SOX5: variants seen among roughly 807,000 people sequenced by gnomAD.
SOX5 encodes transcription factor SOX-5.
In SOX5, 9 loss-of-function variants were observed where a neutral mutation model predicts 92.0. That is an observed-to-expected ratio of 0.10 (90% CI 0.06 to 0.17). The LOEUF (loss-of-function observed/expected upper bound fraction) is 0.17. Among genes scored for constraint, SOX5 ranks in the 10% least tolerant of loss-of-function variants. SOX5 has a pLI of 1.00. For missense variants in SOX5, 642 were observed against 944.5 expected, an observed-to-expected ratio of 0.68 and a Z score of 4.20; for synonymous variants, 344 against 336.3, an observed-to-expected ratio of 1.02 and a Z score of -0.25.
At chr12:23,887,104 G>A (rs147173593) in intron 2 of SOX5, among the ~76,000 whole-genome samples, 240 of 152,246 alleles carry the variant, frequency 1.6e-3, no homozygotes, top group Non-Finnish European at 2.8e-3. Flanking sequence ...CTAAAAACGA[G>A]TTAAAACTTA....
At chr12:24,120,219 T>C (rs775205490) in intron 4 of SOX5, among the ~76,000 whole-genome samples, 4 of 152,228 alleles carry the variant, frequency 2.6e-5, no homozygotes, top group Non-Finnish European at 5.9e-5. Flanking sequence ...TACATTCATA[T>C]GCTCAACTTT....
Position 23,979,698 on chromosome 12 carries a change from G to GTTTTTTTGT in SOX5, c.-1-83675_-1-83674insACAAAAAAA, listed in dbSNP as rs1949313537. ...TTCTTCCTTCCATATATATATATAT[G>GTTTTTTTGT]TTTTTTTTGTTTTTTTTTTTTTTTT... On this transcript the variant is annotated intron_variant, in intron 4 of 4. Coordinates refer to the SOX5 transcript ENST00000446891. 2.8e-4 allele frequency among the ~76,000 whole-genome samples: 18 copies of GTTTTTTTGT among 64,694 alleles called. 1 individual carries two copies. The highest frequency in any genetic ancestry group is 7.8e-4 in the East Asian group (1 of 1,286). The allele number at this position is 64,694 out of a possible 152,430, so 42.4% of individuals were successfully genotyped here.
Position 23,964,884 on chromosome 12 carries a change from A to G in SOX5, c.-1-68860T>C, listed in dbSNP as rs75978346. Among the ~76,000 whole-genome samples the G allele has an allele frequency of 8.3e-3, 1,270 of 152,362 alleles. 24 individuals are homozygous for G. The highest frequency in any genetic ancestry group is 0.029 in the African/African-American group (1,202 of 41,584). On this transcript the variant is annotated intron_variant, in intron 4 of 4. Coordinates refer to the SOX5 transcript ENST00000446891. Reference sequence around the variant, plus strand: ...GAAATGAGCCTTCGACAGATGACCCATAATATCAAAAAGTTGATGGGCTAG... The same window carrying G: ...GAAATGAGCCTTCGACAGATGACCCGTAATATCAAAAAGTTGATGGGCTAG...
intron 4 of SOX5, among the ~76,000 whole-genome samples, chr12:23,956,316 C>T (rs756173026): frequency 6.6e-6 from 1 of 152,128 alleles, no homozygotes; most frequent in Non-Finnish European, 1.5e-5. Context: ...GGATCTCCAA[C>T]CCCCAAGGCC....
chr12:23,719,830 T>C (rs2092717532), intron 6 of SOX5, among the ~76,000 whole-genome samples: 1 of 151,408 alleles, frequency 6.6e-6, no homozygotes, highest in African/African-American at 2.4e-5. Flanking sequence ...TAGTTATTTC[T>C]GCATTATGTT....
intron 2 of SOX5, among the ~76,000 whole-genome samples, chr12:24,312,651 T>C (rs1000389524): frequency 4.6e-5 from 7 of 152,216 alleles, no homozygotes; most frequent in Non-Finnish European, 7.3e-5. Context: ...GGTCATAAAA[T>C]GCATAAATCT....
intron 1 of SOX5, among the ~76,000 whole-genome samples, chr12:23,913,614 T>C (rs1251828910): frequency 6.6e-6 from 1 of 151,910 alleles, no homozygotes; most frequent in Non-Finnish European, 1.5e-5. Context: ...CATCCACCTA[T>C]AATTCCAGCT....
At chr12:23,938,389 C>A (rs896839907) in intron 1 of SOX5, among the ~76,000 whole-genome samples, 1 of 150,852 alleles carries the variant, frequency 6.6e-6, no homozygotes, top group Non-Finnish European at 1.5e-5. Flanking sequence ...CTATAATGTG[C>A]TAGATTAGTA....
intron 1 of SOX5, among the ~76,000 whole-genome samples, chr12:24,481,807 G>A (rs11047473): frequency 0.31 from 46,941 of 151,970 alleles, 7,480 homozygotes; most frequent in Middle Eastern, 0.39. Flanking sequence ...TGCTTTCTCA[G>A]CACTGGGCTT....
At chr12:23,902,707 A>C (rs2097249480) in intron 1 of SOX5, among the ~76,000 whole-genome samples, 1 of 152,162 alleles carries the variant, frequency 6.6e-6, no homozygotes, top group Non-Finnish European at 1.5e-5. Flanking sequence ...AATTTTTTTC[A>C]AGTACAGTTC....
intron 2 of SOX5, among the ~76,000 whole-genome samples, chr12:24,285,498 A>C (rs1002375862): frequency 2.0e-5 from 3 of 151,412 alleles, no homozygotes; most frequent in African/African-American, 7.3e-5. Context: ...CTTTGTCTTA[A>C]TCTATGGGCC....
chr12:23,715,831 A>C (rs890129692), intron 6 of SOX5, among the ~76,000 whole-genome samples: 1 of 146,092 alleles, frequency 6.8e-6, no homozygotes, highest in African/African-American at 2.8e-5. Context: ...AAAAAAAAAA[A>C]AACTTGGCCT....
intron 4 of SOX5, among the ~76,000 whole-genome samples, chr12:24,112,555 G>A (rs1947493947): frequency 8.0e-6 from 1 of 124,718 alleles, no homozygotes; most frequent in African/African-American, 3.0e-5. Context: ...TTTTGAGGCA[G>A]GATCTCGCTC....
At position 24,551,777 on chromosome 12, in the gene SOX5, G is replaced by A. The variant is rs985895742; in HGVS notation, c.-251+10552C>T. 1.2e-4 allele frequency among the ~76,000 whole-genome samples: 19 copies of A among 152,170 alleles called. No individual in the cohort carries two copies. In the East Asian group the frequency reaches 2.7e-3, roughly 22 times the overall value. On this transcript the variant is annotated intron_variant, in intron 1 of 4. Coordinates refer to the SOX5 transcript ENST00000446891. ...TTAGCCTAATTAAAACCCTGTCCTC[G>A]TCTTATCTCACCAGGACTCCTTTTC...
At chr12:23,860,529 A>G (rs1374539041) in intron 2 of SOX5, among the ~76,000 whole-genome samples, 2 of 152,210 alleles carry the variant, frequency 1.3e-5, no homozygotes, top group Non-Finnish European at 2.9e-5. Context: ...GTAAATTTCA[A>G]TAAGTCCGCC....
chr12:23,635,633 T>G (rs1002962054), intron 8 of SOX5, among the ~76,000 whole-genome samples: 1 of 152,212 alleles, frequency 6.6e-6, no homozygotes, highest in South Asian at 2.1e-4. Context: ...GTAACAAATC[T>G]GCACGTTGTG....
intron 4 of SOX5, among the ~76,000 whole-genome samples, chr12:24,069,201 T>C (rs1313749100): frequency 6.6e-6 from 1 of 152,096 alleles, no homozygotes; most frequent in Non-Finnish European, 1.5e-5. Flanking sequence ...TGTGAGGTGT[T>C]TTGAATTTTA....
chr12:23,704,700 A>T (rs1230785254), intron 6 of SOX5, among the ~76,000 whole-genome samples: 4 of 126,110 alleles, frequency 3.2e-5, no homozygotes, highest in Non-Finnish European at 7.0e-5. Flanking sequence ...ATATATATAT[A>T]TATATATATA....
intron 9 of SOX5, among the ~76,000 whole-genome samples, chr12:23,593,974 AT>A (rs1296641577): frequency 6.6e-6 from 1 of 152,198 alleles, no homozygotes; most frequent in Non-Finnish European, 1.5e-5. Flanking sequence ...CTTAAAAGGC[AT>A]TAAGTAAAAC....
Sources: allele counts gnomAD v4.1 joint callset (sites outside exome capture counted in the v4.1 genomes callset), GRCh38; gene constraint gnomAD v4.1.1; transcripts MANE v1.5; gene names NCBI Gene and HGNC (gene_info 2026-07-23, HGNC 2026-07-21).